Variants in LRRC1 observed in about 807,000 individuals in gnomAD.
LRRC1 encodes the protein leucine rich repeat containing 1.
A neutral mutation model predicts 69.9 loss-of-function variants in LRRC1; 28 were observed. The observed-to-expected ratio is 0.40, with a 90% CI of 0.30 to 0.55. The LOEUF (loss-of-function observed/expected upper bound fraction) is 0.55. LRRC1 is among the 20% of genes least tolerant of loss of function. The probability of loss-of-function intolerance (pLI) is 0.47; values close to 1 mark genes in which losing one functional copy is unlikely to be tolerated. For missense variants in LRRC1, 498 were observed against 609.0 expected (o/e 0.82, Z 1.92); for synonymous variants, 236 against 240.2 (o/e 0.98, Z 0.16).
intron 1 of LRRC1, among the ~76,000 whole-genome samples, chr6:53,839,415 A>G (rs1432012777): frequency 6.6e-6 from 1 of 152,202 alleles, no homozygotes; most frequent in East Asian, 1.9e-4. Flanking sequence ...AGACTTCTTC[A>G]TTTGTAAATT....
rs567541388 is a variant in LRRC1 at position 53,903,283 on chromosome 6, G to T, written c.906+536G>T. 2.6e-5 allele frequency among the ~76,000 whole-genome samples: 4 copies of T among 152,080 alleles called. No individual in the cohort carries two copies. The South Asian group carries it at 8.3e-4, about 32-fold the overall frequency. On this transcript the variant is annotated intron_variant, in intron 9 of 13. Coordinates refer to ENST00000370888, the MANE Select transcript of LRRC1 (RefSeq NM_018214.5). Reference sequence around the variant, plus strand: ...CTTATTAGAACTTGGAAGTGGAGGGGACTGGAGGGGTCCTCTACCTGGACC... The same window carrying T: ...CTTATTAGAACTTGGAAGTGGAGGGTACTGGAGGGGTCCTCTACCTGGACC...
chr6:53,874,613 GT>G (rs1429072910), intron 2 of LRRC1, among the ~76,000 whole-genome samples: 6 of 152,102 alleles, frequency 3.9e-5, no homozygotes, highest in Non-Finnish European at 8.8e-5. Context: ...TTATTGTGAG[GT>G]TGTTGGAGCA....
intron 11 of LRRC1, among the ~76,000 whole-genome samples, chr6:53,918,010 C>T (rs1286189420): frequency 1.3e-5 from 2 of 152,222 alleles, no homozygotes; most frequent in African/African-American, 4.8e-5. Context: ...ACAAATATCC[C>T]AGAGGAAAAA....
intron 11 of LRRC1, among the ~76,000 whole-genome samples, chr6:53,916,089 C>CT (rs1768556094): frequency 6.6e-6 from 1 of 152,300 alleles, no homozygotes; most frequent in Non-Finnish European, 1.5e-5. Flanking sequence ...CACTTGGAAA[C>CT]TAAGTATTAA....
chr6:53,829,354 G>A (rs1765366390), intron 1 of LRRC1, among the ~76,000 whole-genome samples: 1 of 152,140 alleles, frequency 6.6e-6, no homozygotes, highest in African/African-American at 2.4e-5. Context: ...CACTTGAGAG[G>A]CATTTCTCAT....
At chr6:53,863,775 A>G (rs915800551) in intron 2 of LRRC1, among the ~76,000 whole-genome samples, 1 of 152,208 alleles carries the variant, frequency 6.6e-6, no homozygotes, top group South Asian at 2.1e-4. Flanking sequence ...GATCTGACAC[A>G]GGATTGCTAA....
chr6:53,804,076 A>T (rs1443799915), intron 1 of LRRC1, among the ~76,000 whole-genome samples: 1 of 152,168 alleles, frequency 6.6e-6, no homozygotes, highest in South Asian at 2.1e-4. Flanking sequence ...TTTGAGGCTC[A>T]TGTTATTAGT....
chr6:53,796,566 C>T (rs961934195), intron 1 of LRRC1, among the ~76,000 whole-genome samples: 1 of 152,186 alleles, frequency 6.6e-6, no homozygotes, highest in African/African-American at 2.4e-5. Flanking sequence ...GTTAGAATGA[C>T]CTGATACGTT....
intron 2 of LRRC1, among the ~76,000 whole-genome samples, chr6:53,857,690 G>A (rs6937901): frequency 0.83 from 126,239 of 152,194 alleles, 52,567 homozygotes; most frequent in East Asian, 0.96. Flanking sequence ...AAAAGTTTCC[G>A]TTGGATCTGG....
chr6:53,916,010 CTGT>C (rs1562074254), intron 11 of LRRC1, among the ~76,000 whole-genome samples: 2 of 152,066 alleles, frequency 1.3e-5, no homozygotes, highest in Non-Finnish European at 1.5e-5. Flanking sequence ...GAAACCTACA[CTGT>C]GAGTTTCTAG....
intron 1 of LRRC1, among the ~76,000 whole-genome samples, chr6:53,812,827 G>C (rs1764835913): frequency 6.6e-6 from 1 of 152,082 alleles, no homozygotes; most frequent in African/African-American, 2.4e-5. Context: ...GGGAGGTGGA[G>C]GTGGAGCATG....
intron 11 of LRRC1, among the ~76,000 whole-genome samples, chr6:53,914,464 A>G (rs1402664827): frequency 2.6e-5 from 4 of 152,222 alleles, no homozygotes; most frequent in Admixed American, 6.5e-5. Flanking sequence ...AAGTGTTTAC[A>G]GCTAATGTCA....
intron 10 of LRRC1, among the ~76,000 whole-genome samples, chr6:53,907,411 G>A (rs1165400713): frequency 6.6e-6 from 1 of 152,080 alleles, no homozygotes; most frequent in Non-Finnish European, 1.5e-5. Context: ...TCCTTAGTCT[G>A]TAGCAGCATT....
chr6:53,835,753 A>G (rs1313838165), intron 1 of LRRC1, among the ~76,000 whole-genome samples: 2 of 152,214 alleles, frequency 1.3e-5, no homozygotes, highest in Non-Finnish European at 2.9e-5. Context: ...TAGAAAAGTC[A>G]TTACTCTATA....
At chr6:53,831,622 C>T (rs1046839267) in intron 1 of LRRC1, among the ~76,000 whole-genome samples, 1 of 152,196 alleles carries the variant, frequency 6.6e-6, no homozygotes, top group African/African-American at 2.4e-5. Flanking sequence ...AGGTCATCTT[C>T]AGCATTACTT....
At chr6:53,895,725 A>G (rs1767847478) in intron 4 of LRRC1, among the ~76,000 whole-genome samples, 1 of 152,230 alleles carries the variant, frequency 6.6e-6, no homozygotes, top group Admixed American at 6.5e-5. Flanking sequence ...ACTGCCTGTC[A>G]AGATTTGCCC....
chr6:53,853,271 A>G (rs1766197595), intron 2 of LRRC1, among the ~76,000 whole-genome samples: 2 of 148,434 alleles, frequency 1.3e-5, no homozygotes, highest in South Asian at 4.3e-4. Flanking sequence ...CATAAATAAC[A>G]GGTGGTTCAT....
chr6:53,904,689 A>T (rs1433190193), intron 10 of LRRC1: 19 of 277,488 alleles, frequency 6.8e-5, no homozygotes, highest in Non-Finnish European at 1.1e-4. Context: ...TTTAAATGGG[A>T]GAAAGAAAGA....
At chr6:53,866,496 A>G (rs927368028) in intron 2 of LRRC1, among the ~76,000 whole-genome samples, 25 of 152,188 alleles carry the variant, frequency 1.6e-4, no homozygotes, top group African/African-American at 6.0e-4. Context: ...TTCCTGACCT[A>G]GTGGAGGATA....
Sources: gnomAD v4.1 joint callset for allele counts (sites outside exome capture counted in the v4.1 genomes callset) on GRCh38, gnomAD v4.1.1 for gene constraint, MANE v1.5 for transcripts, NCBI Gene and HGNC (gene_info 2026-07-23, HGNC 2026-07-21) for gene names.